The following GALNT18 variants were observed in gnomAD, a reference collection of about 807,000 sequenced individuals.
GALNT18 encodes the protein polypeptide N-acetylgalactosaminyltransferase 18, also known as GalNAc-transferase 18.
GALNT18 carries 44 observed loss-of-function variants against 69.5 expected under a neutral mutation model. That is an observed-to-expected ratio of 0.63 (90% CI 0.50 to 0.81). The LOEUF (loss-of-function observed/expected upper bound fraction) is 0.81, where lower values mean the gene tolerates loss of function less well. GALNT18 is among the 40% of genes least tolerant of loss of function. GALNT18 has a pLI of 0.00. For synonymous variants in GALNT18, 364 were observed against 318.2 expected (o/e 1.14, Z -1.53); for missense variants, 715 against 810.0 (o/e 0.88, Z 1.42).
At chr11:11,308,830 G>A (rs531765131) in intron 9 of GALNT18, among the ~76,000 whole-genome samples, 1 of 152,268 alleles carries the variant, frequency 6.6e-6, no homozygotes, top group African/African-American at 2.4e-5. Flanking sequence ...ACATCACACT[G>A]GGCAGCATTC....
At chr11:11,310,435 C>A (rs762126524) in intron 9 of GALNT18, among the ~76,000 whole-genome samples, 1 of 152,210 alleles carries the variant, frequency 6.6e-6, no homozygotes, top group Non-Finnish European at 1.5e-5. Flanking sequence ...AATGACCCAG[C>A]ATATTCCAAG....
In GALNT18 at chr11:11,500,980, C is replaced by T. The variant is rs1278147950; in HGVS notation, c.236-52044G>A. The stretch of plus-strand genomic sequence containing the variant: ...GCCTTGGGGCAACACCTGTCGCAGA[C>T]TGGAAACTGGGCAGAACAGCAACTC... On this transcript the variant is annotated intron_variant, in intron 1 of 10. Coordinates refer to ENST00000227756, the MANE Select transcript of GALNT18 (RefSeq NM_198516.3). The surrounding 1 kb of genome is among the most constrained non-coding windows in gnomAD (Gnocchi z 5.0). 6.6e-6 allele frequency among the ~76,000 whole-genome samples: 1 copy of T among 152,218 alleles called. No homozygotes were observed. The highest frequency in any genetic ancestry group is 6.5e-5 in the Admixed American group (1 of 15,284).
chr11:11,403,943 T>TC (rs1270048664), intron 3 of GALNT18, among the ~76,000 whole-genome samples: 1 of 152,152 alleles, frequency 6.6e-6, no homozygotes, highest in African/African-American at 2.4e-5. Context: ...CTGTAACTGC[T>TC]CCCCCTTAGA....
At chr11:11,350,558 T>A (rs957701881) in intron 6 of GALNT18, among the ~76,000 whole-genome samples, 9 of 151,766 alleles carry the variant, frequency 5.9e-5, no homozygotes, top group Admixed American at 5.9e-4. Context: ...AGGAGTAGAG[T>A]GGTCTCCAAA....
intron 10 of GALNT18, among the ~76,000 whole-genome samples, chr11:11,284,793 T>A (rs1159754178): frequency 6.7e-6 from 1 of 150,354 alleles, no homozygotes; most frequent in Non-Finnish European, 1.5e-5. Context: ...AAAGCATGTG[T>A]GGGACATTAC....
intron 3 of GALNT18, among the ~76,000 whole-genome samples, chr11:11,380,877 A>C (rs1410798645): frequency 6.6e-6 from 1 of 152,216 alleles, no homozygotes; most frequent in Admixed American, 6.5e-5. Context: ...CTTCTGCAAA[A>C]GTGATGAGCA....
In GALNT18 at chr11:11,617,068, G is replaced by A. The variant is rs968712320; in HGVS notation, c.235+4291C>T. On this transcript the variant is annotated intron_variant, in intron 1 of 10. Transcript: ENST00000227756. This position sits in a 1 kb window ranked among gnomAD's most constrained non-coding sequence, Gnocchi z 4.7. ...GAATTTTAAAGAAAACAGAACTATG[G>A]GATATTATGGGAGTGGTTTGTGCAA... 8.6e-5 allele frequency among the ~76,000 whole-genome samples: 13 copies of A among 151,834 alleles called. No individual in the cohort carries two copies. Among genetic ancestry groups the A allele is most frequent in the African/African-American group, 3.2e-4 (13 of 41,100 alleles).
At chr11:11,488,091 C>A (rs1856682139) in intron 1 of GALNT18, among the ~76,000 whole-genome samples, 1 of 152,024 alleles carries the variant, frequency 6.6e-6, no homozygotes, top group Non-Finnish European at 1.5e-5. Context: ...AATAGCTGTG[C>A]CTATTTTATA....
In GALNT18 at chr11:11,347,942, T is replaced by C. The variant is rs533371640; in HGVS notation, c.1093-6938A>G. ...GGAGAGCTGGCAGAAGACCAGAAAG[T>C]CACTCGCAGAGTGGCTGAACGGTCA... is the stretch of plus-strand genomic sequence containing the variant. On this transcript the variant is annotated intron_variant, in intron 6 of 10. Coordinates refer to ENST00000227756, the MANE Select transcript of GALNT18 (RefSeq NM_198516.3). The surrounding 1 kb of genome is among the most constrained non-coding windows in gnomAD (Gnocchi z 4.0). 7.2e-4 allele frequency among the ~76,000 whole-genome samples: 110 copies of C among 152,190 alleles called. No individual in the cohort carries two copies. The highest frequency in any genetic ancestry group is 3.4e-3 in the Middle Eastern group (1 of 294).
chr11:11,276,780 T>G (rs1848958739), intron 10 of GALNT18, among the ~76,000 whole-genome samples: 1 of 152,238 alleles, frequency 6.6e-6, no homozygotes, highest in African/African-American at 2.4e-5. Flanking sequence ...ATGTGGTTTT[T>G]GTCACTGGTT....
chr11:11,585,273 T>A (rs1859185533), intron 1 of GALNT18, among the ~76,000 whole-genome samples: 1 of 152,152 alleles, frequency 6.6e-6, no homozygotes, highest in African/African-American at 2.4e-5. Flanking sequence ...GGGTGTAGTA[T>A]CAAAGAAGAA....
At chr11:11,450,097 A>G (rs1185255774) in intron 1 of GALNT18, among the ~76,000 whole-genome samples, 1 of 152,216 alleles carries the variant, frequency 6.6e-6, no homozygotes, top group Non-Finnish European at 1.5e-5. Flanking sequence ...CCCACTGGAC[A>G]GGGTCGTCTA....
At chr11:11,344,366 C>A (rs1850264083) in intron 6 of GALNT18, among the ~76,000 whole-genome samples, 1 of 152,222 alleles carries the variant, frequency 6.6e-6, no homozygotes, top group African/African-American at 2.4e-5. Flanking sequence ...TGCTGCACCC[C>A]CTTCCGCTAG....
chr11:11,288,135 A>G (rs1482263601), intron 10 of GALNT18, among the ~76,000 whole-genome samples: 1 of 151,998 alleles, frequency 6.6e-6, no homozygotes, highest in Non-Finnish European at 1.5e-5. Flanking sequence ...ACTACTTAAG[A>G]ACCTTCCCCA....
chr11:11,287,781 T>A (rs759794294), intron 10 of GALNT18, among the ~76,000 whole-genome samples: 1 of 152,132 alleles, frequency 6.6e-6, no homozygotes, highest in Non-Finnish European at 1.5e-5. Context: ...GCGGGAGACA[T>A]CAGCTGTTTA....
intron 2 of GALNT18, among the ~76,000 whole-genome samples, chr11:11,446,930 T>C (rs1855667419): frequency 6.6e-6 from 1 of 152,180 alleles, no homozygotes; most frequent in African/African-American, 2.4e-5. Context: ...TGAAGCTGAG[T>C]GCTGCCCCAG....
In GALNT18 at chr11:11,480,251, CCTCTCTCTCTCTCTTT is replaced by C. The variant is rs1484252310; in HGVS notation, c.236-31331_236-31316del. On this transcript the variant is annotated intron_variant, in intron 1 of 10. Transcript: ENST00000227756. The surrounding 1 kb of genome is among the most constrained non-coding windows in gnomAD (Gnocchi z 4.6). ...TTATTTCTTTCTTTCTTCCTTCCTT[CCTCTCTCTCTCTCTTT>C]CTCTCTCTCTCGCCCCCCTCGCCCC... Among the ~76,000 whole-genome samples, 4 of 149,612 alleles carry C rather than the reference CCTCTCTCTCTCTCTTT, an allele frequency of 2.7e-5. No homozygotes were observed. Among genetic ancestry groups the C allele is most frequent in the African/African-American group, 5.1e-5 (2 of 39,514 alleles).
chr11:11,456,534 C>G (rs568762319), intron 1 of GALNT18, among the ~76,000 whole-genome samples: 5 of 152,334 alleles, frequency 3.3e-5, no homozygotes, highest in African/African-American at 1.2e-4. Context: ...TTGGAATGCT[C>G]CAGTTCTTTT....
chr11:11,477,234 C>A (rs1856420818), intron 1 of GALNT18, among the ~76,000 whole-genome samples: 1 of 152,192 alleles, frequency 6.6e-6, no homozygotes, highest in Non-Finnish European at 1.5e-5. Flanking sequence ...TAGTAGGCAT[C>A]CTGCCCAGGA....
Sources: gnomAD v4.1 joint callset for allele counts (sites outside exome capture counted in the v4.1 genomes callset) on GRCh38, gnomAD v4.1.1 for gene constraint, Gnocchi (gnomAD v3.1) non-coding constraint, MANE v1.5 for transcripts, NCBI Gene and HGNC (gene_info 2026-07-23, HGNC 2026-07-21) for gene names.